The following UPRT variants were observed in gnomAD, a reference collection of about 807,000 sequenced individuals.
The protein encoded by UPRT is uracil phosphoribosyltransferase homolog.
Under a neutral mutation model 22.6 loss-of-function variants are expected in UPRT, and 5 were observed. That is an observed-to-expected ratio of 0.22 (90% CI 0.12 to 0.47). The LOEUF (loss-of-function observed/expected upper bound fraction) is 0.47. Ranked by LOEUF, UPRT falls within the 20% of genes least tolerant of loss-of-function variation. The probability of loss-of-function intolerance (pLI) is 0.99; values close to 1 mark genes in which losing one functional copy is unlikely to be tolerated. For synonymous variants in UPRT, 77 were observed against 87.7 expected (o/e 0.88, Z 0.68); for missense variants, 181 against 239.9 (o/e 0.75, Z 1.62).
chrX:75,268,168 T>C (rs2082596656), intron 4 of UPRT, among the ~76,000 whole-genome samples: 1 of 111,346 alleles, frequency 9.0e-6, no homozygotes, highest in Non-Finnish European at 1.9e-5. Flanking sequence ...AAGAAATGAA[T>C]AAATTCCTGG....
intron 4 of UPRT, among the ~76,000 whole-genome samples, chrX:75,188,839 C>G (rs1034374901): frequency 2.7e-5 from 3 of 111,913 alleles, no homozygotes; most frequent in African/African-American, 9.7e-5. Context: ...CTCCCTGACC[C>G]CCTTCGCTTC....
chrX:75,201,073 C>T (rs2082346013), intron 4 of UPRT, among the ~76,000 whole-genome samples: 1 of 112,496 alleles, frequency 8.9e-6, no homozygotes, highest in Non-Finnish European at 1.9e-5. Flanking sequence ...CTCCACTTAT[C>T]CTAAATTCCT....
At chrX:75,265,204 T>G (rs2082583683) in intron 4 of UPRT, among the ~76,000 whole-genome samples, 1 of 111,517 alleles carries the variant, frequency 9.0e-6, no homozygotes, top group African/African-American at 3.3e-5. Context: ...TTCTCTGTAT[T>G]TTCTGAATTT....
intron 4 of UPRT, among the ~76,000 whole-genome samples, chrX:75,210,487 A>G (rs918081407): frequency 2.7e-5 from 3 of 109,666 alleles, no homozygotes; most frequent in Non-Finnish European, 5.7e-5. Context: ...TATGCCTTTG[A>G]CCCTTGCCAC....
chrX:75,283,826 T>G (rs940120500), intron 1 of UPRT, among the ~76,000 whole-genome samples: 2 of 111,940 alleles, frequency 1.8e-5, no homozygotes, highest in Non-Finnish European at 3.8e-5. Context: ...CTTCTCATAT[T>G]TGGATGTCTA....
At chrX:75,259,261 T>C (rs1051043317) in intron 4 of UPRT, among the ~76,000 whole-genome samples, 4 of 110,395 alleles carry the variant, frequency 3.6e-5, no homozygotes, top group African/African-American at 1.3e-4. Flanking sequence ...CAAAACTGGA[T>C]GGAGAATGAG....
intron 4 of UPRT, among the ~76,000 whole-genome samples, chrX:75,232,245 G>C (rs1387566040): frequency 8.9e-6 from 1 of 112,311 alleles, no homozygotes; most frequent in African/African-American, 3.2e-5. Flanking sequence ...CTTAAAAAAC[G>C]GCGCACAGGG....
At chrX:75,234,632 T>G (rs927181582) in intron 4 of UPRT, among the ~76,000 whole-genome samples, 21 of 110,997 alleles carry the variant, frequency 1.9e-4, no homozygotes, top group Non-Finnish European at 4.0e-4. Context: ...ATTAAGAAAC[T>G]CACTCAAAAC....
chrX:75,225,102 G>T (rs2082419964), intron 4 of UPRT, among the ~76,000 whole-genome samples: 1 of 110,801 alleles, frequency 9.0e-6, no homozygotes, highest in South Asian at 3.9e-4. Flanking sequence ...TGGAACCACT[G>T]CCTCAAAAAT....
chrX:75,285,703 T>C (rs1357701021), intron 1 of UPRT, among the ~76,000 whole-genome samples: 1 of 111,054 alleles, frequency 9.0e-6, no homozygotes, highest in Non-Finnish European at 1.9e-5. Flanking sequence ...GGTCCTCTCC[T>C]CTGTCCTATT....
At chrX:75,256,259 A>G (rs952856177) in intron 4 of UPRT, among the ~76,000 whole-genome samples, 8 of 112,193 alleles carry the variant, frequency 7.1e-5, no homozygotes, top group Non-Finnish European at 1.5e-4. Flanking sequence ...CTGCTCCTGA[A>G]TGATCATTGG....
chrX:75,216,060 CAAGAA>C (rs1352369744), intron 4 of UPRT, among the ~76,000 whole-genome samples: 2 of 111,119 alleles, frequency 1.8e-5, no homozygotes, highest in South Asian at 3.7e-4. Context: ...AAAGACATTA[CAAGAA>C]AAGAAAACTA....
At chrX:75,231,481 T>A (rs964622839) in intron 4 of UPRT, among the ~76,000 whole-genome samples, 2 of 112,430 alleles carry the variant, frequency 1.8e-5, no homozygotes, top group African/African-American at 6.5e-5. Flanking sequence ...GAATAATTGT[T>A]GTTCCTGAGG....
chrX:75,175,830 T>C (rs1261248958), intron 4 of UPRT, among the ~76,000 whole-genome samples: 1 of 111,668 alleles, frequency 9.0e-6, no homozygotes, highest in African/African-American at 3.3e-5. Flanking sequence ...CTGAGGGCCA[T>C]GACTAAGGCT....
intron 4 of UPRT, among the ~76,000 whole-genome samples, chrX:75,236,607 A>G (rs959630946): frequency 2.7e-5 from 3 of 112,121 alleles, no homozygotes; most frequent in African/African-American, 6.5e-5. Flanking sequence ...AAAGATATAG[A>G]TCAATGGAAC....
intron 4 of UPRT, among the ~76,000 whole-genome samples, chrX:75,173,372 G>C (rs756339868): frequency 8.1e-5 from 9 of 110,992 alleles, no homozygotes; most frequent in Non-Finnish European, 1.3e-4. Flanking sequence ...TAGACATAAA[G>C]GTTCTCCAAG....
At chrX:75,231,317 T>A (rs1303843876) in intron 4 of UPRT, among the ~76,000 whole-genome samples, 2 of 111,578 alleles carry the variant, frequency 1.8e-5, no homozygotes, top group Admixed American at 1.9e-4. Context: ...TTGGAAACTT[T>A]CAACAATAAA....
At chrX:75,193,675 C>T (rs1301533585) in intron 4 of UPRT, among the ~76,000 whole-genome samples, 1 of 111,055 alleles carries the variant, frequency 9.0e-6, no homozygotes, top group African/African-American at 3.3e-5. Context: ...CTTTATTTTT[C>T]TGTGACTCAG....
In UPRT at chrX:75,211,860, G is replaced by A. The variant is rs748800244; in HGVS notation, c.-447+43981G>A. On this transcript the variant is annotated intron_variant, in intron 4 of 13. Coordinates refer to the UPRT transcript ENST00000652605. ...AGCTTAACTGCAATACCAGTATATC[G>A]CAAAAACCTGTTAAGGTGGGGGACC... 7.2e-5 allele frequency among the ~76,000 whole-genome samples: 8 copies of A among 111,644 alleles called. No individual in the cohort carries two copies. The South Asian group carries it at 2.7e-3, about 37-fold the overall frequency.
Sources: gnomAD v4.1 joint callset for allele counts (sites outside exome capture counted in the v4.1 genomes callset) on GRCh38, gnomAD v4.1.1 for gene constraint, MANE v1.5 for transcripts, NCBI Gene and HGNC (gene_info 2026-07-23, HGNC 2026-07-21) for gene names.